Variants in CELSR2 observed in about 807,000 individuals in gnomAD.
CELSR2 encodes the protein EGF-like protein 2.
Under a neutral mutation model 251.6 loss-of-function variants are expected in CELSR2, and 81 were observed. The ratio of observed to expected loss-of-function variants is 0.32; its 90% CI spans 0.27 to 0.39. CELSR2 has a LOEUF of 0.39. Among genes scored for constraint, CELSR2 ranks in the 10% least tolerant of loss-of-function variants. The probability of loss-of-function intolerance (pLI) is 1.00; values close to 1 mark genes in which losing one functional copy is unlikely to be tolerated. For missense variants in CELSR2, 3,365 were observed against 3,947.7 expected (o/e 0.85, Z 3.96); for synonymous variants, 1,721 against 1,670.5 (o/e 1.03, Z -0.74).
rs746825435 is a variant in CELSR2, at chr1:109,272,936, G to A, written c.8247G>A (p.Glu2749=). Residue 2749 remains glutamate, a synonymous_variant, in exon 31 of 34, where the codon GAG becomes GAA. Coordinates refer to ENST00000271332, the MANE Select transcript of CELSR2 (RefSeq NM_001408.3). The part of the protein sequence containing the change: ...SSDSEEEEEE[E]EEEAAFPGEQ... ...ACAGTGAGGAGGAAGAAGAGGAGGA[G>A]GAAGAGGAGGCCGCCTTCCCTGGAG... is the stretch of plus-strand genomic sequence containing the variant. 17 of 1,614,024 alleles carry A rather than the reference G, an allele frequency of 1.1e-5. No homozygotes were observed. The highest frequency in any genetic ancestry group is 1.4e-5 in the Non-Finnish European group (16 of 1,179,960).
rs200166387 is a variant in CELSR2 at position 109,262,921 on chromosome 1, C to T, written c.4660C>T (p.Arg1554Trp). ...GCMRNLQVDS[R>W]HIDMADFIAN... ...CATGCGGAACCTGCAGGTGGACAGC[C>T]GGCACATAGACATGGCTGACTTCAT... Residue 1554 changes from arginine (R) to tryptophan (W), a missense_variant, in exon 7 of 34, where the codon CGG becomes TGG. Coordinates refer to ENST00000271332, the MANE Select transcript of CELSR2 (RefSeq NM_001408.3). 44 of 1,613,822 alleles carry T rather than the reference C, an allele frequency of 2.7e-5. 1 individual carries two copies. Among genetic ancestry groups the T allele is most frequent in the Admixed American group, 1.2e-4 (7 of 60,016 alleles).
In CELSR2 at chr1:109,253,375, G is replaced by C; in HGVS notation, c.3296G>C (p.Ser1099Thr). ...AACCGGCCTCTGGAGGCCATCATGA[G>C]CGTGCTGGTGTCAGGTAAGGAAGGG... is the stretch of plus-strand genomic sequence containing the variant. ...DNNRPLEAIM[S>T]VLVSDGVHSV... Residue 1099 changes from serine (S) to threonine (T), a missense_variant, in exon 1 of 34, where the codon AGC (serine) becomes ACC (threonine). By Grantham distance (58) the Ser-to-Thr change is moderately conservative. This residue lies in a region of CELSR2 where 505 missense variants were observed against 660.0 expected (regional missense o/e 0.77). Transcript: ENST00000271332. 1 of 1,612,582 alleles carries C rather than the reference G, an allele frequency of 6.2e-7. No individual in the cohort carries two copies. Among genetic ancestry groups the C allele is most frequent in the Non-Finnish European group, 8.5e-7 (1 of 1,179,804 alleles).
rs770029179 is a variant in CELSR2 at position 109,253,029 on chromosome 1, T to G, written c.2950T>G (p.Leu984Val). 1.9e-6 allele frequency: 3 copies of G among 1,613,488 alleles called. No individual in the cohort carries two copies. In the African/African-American group the frequency reaches 4.0e-5, roughly 22 times the overall value. Residue 984 changes from leucine to valine, a missense_variant, in exon 1 of 34, where the codon TTA becomes GTA. Transcript: ENST00000271332. Reference protein sequence around the residue: ...FSGELTALVDLDYEDRPEYVL... With the variant: ...FSGELTALVDVDYEDRPEYVL... ...CGGGGAGCTGACAGCCCTGGTAGAC[T>G]TAGACTACGAGGACCGGCCTGAGTA...
rs758402047 is a variant in CELSR2 at position 109,269,905 on chromosome 1, C to T, written c.7108-28C>T. 1.9e-6 allele frequency: 3 copies of T among 1,614,056 alleles called. No homozygotes were observed. Among genetic ancestry groups the T allele is most frequent in the South Asian group, 1.1e-5 (1 of 91,082 alleles). ...TGCTCAGGTCCTGCCCTTCCTAATT[C>T]CCTGGCCCCCTGCCACCTACTCTGC... On this transcript the variant is annotated intron_variant, in intron 22 of 33. Transcript: ENST00000271332. The surrounding 1 kb of genome is among the most constrained non-coding windows in gnomAD (Gnocchi z 6.4).
intron 25 of CELSR2, 71 bp downstream of exon 25, chr1:109,271,110 G>T (rs560807543): frequency 2.0e-6 from 3 of 1,507,874 alleles, no homozygotes; most frequent in African/African-American, 2.8e-5. Flanking sequence ...CTGGGGCCGC[G>T]TGTCCTCAGG....
In CELSR2 at chr1:109,274,113, T is replaced by G; in HGVS notation, c.*64T>G. On this transcript the variant is annotated 3_prime_UTR_variant, in exon 34 of 34. Transcript: ENST00000271332. ...TTCCCCAGCCGCACTCATGCCCTGC[T>G]CCTGTCTTGTGCTTTATCCTGCCCC... 4 of 1,613,184 alleles carry G rather than the reference T, an allele frequency of 2.5e-6. No homozygotes were observed. The highest frequency in any genetic ancestry group is 3.4e-6 in the Non-Finnish European group (4 of 1,179,938).
rs752078935 is a variant in CELSR2, at chr1:109,250,438, G to A, written c.359G>A (p.Gly120Glu). ...TGGAGCTGTCGCCTCCTGGGCATTG[G>A]AGGCCACCTTTCCCCACAGGGCAAG... is the stretch of plus-strand genomic sequence containing the variant. ...CPWSCRLLGI[G>E]GHLSPQGKLT... The change falls in exon 1 of 34, where the codon GGA (glycine) becomes GAA (glutamate). Residue 120 changes from glycine (G) to glutamate (E), a missense_variant. Physicochemically the swap from Gly to Glu is moderately conservative, Grantham distance 98. Around this residue, in one of 5 missense-constraint regions of CELSR2, gnomAD observed 704 missense variants for 784.1 expected, o/e 0.90. Transcript: ENST00000271332. This position sits in a 1 kb window ranked among gnomAD's most constrained non-coding sequence, Gnocchi z 4.4. 3.7e-6 allele frequency: 6 copies of A among 1,613,688 alleles called. No individual in the cohort carries two copies. The highest frequency in any genetic ancestry group is 1.6e-4 in the Middle Eastern group (1 of 6,062).
chr1:109,260,633 G>C (rs940653725), intron 2 of CELSR2, among the ~76,000 whole-genome samples: 1 of 152,122 alleles, frequency 6.6e-6, no homozygotes, highest in Non-Finnish European at 1.5e-5. Context: ...CCATCTGCTT[G>C]TGCACATTTA....
chr1:109,273,872 G>A, intron 33 of CELSR2, 150 bp from the exon 34 acceptor site: 1 of 1,204,760 alleles, frequency 8.3e-7, no homozygotes, highest in Non-Finnish European at 1.2e-6. Flanking sequence ...GCTCTACGCG[G>A]CGCAGCCCAG....
At position 109,262,901 on chromosome 1, in the gene CELSR2, G is replaced by A. The variant is rs925567916; in HGVS notation, c.4640G>A (p.Arg1547Gln). 1.2e-5 allele frequency: 20 copies of A among 1,613,676 alleles called. No homozygotes were observed. The highest frequency in any genetic ancestry group is 6.7e-5 in the Admixed American group (4 of 60,010). ...ATGCGGCAGTTCGTGGGCTGCATGC[G>A]GAACCTGCAGGTGGACAGCCGGCAC... ...VRMRQFVGCM[R>Q]NLQVDSRHID... Residue 1547 changes from arginine (R) to glutamine (Q), a missense_variant, in exon 7 of 34, where the codon CGG becomes CAG. Around this residue, in one of 5 missense-constraint regions of CELSR2, gnomAD observed 2,093 missense variants for 2,382.8 expected, o/e 0.88. Transcript: ENST00000271332.
Position 109,264,208 on chromosome 1 carries a change from G to A in CELSR2, c.5132G>A (p.Gly1711Glu), listed in dbSNP as rs760876298. 6.2e-7 allele frequency: 1 copy of A among 1,613,508 alleles called. No homozygotes were observed. Among genetic ancestry groups the A allele is most frequent in the Admixed American group, 1.7e-5 (1 of 60,030 alleles). Reference sequence around the variant, plus strand: ...CAGCTGGCACTGGGAGCCAGCGGGGGGCCCGGCCATGCCATTCTGTCCTTC... The same window carrying A: ...CAGCTGGCACTGGGAGCCAGCGGGGAGCCCGGCCATGCCATTCTGTCCTTC... Reference protein sequence around the residue: ...HAQLALGASGGPGHAILSFDY... With the variant: ...HAQLALGASGEPGHAILSFDY... Residue 1711 changes from glycine to glutamate, a missense_variant, in exon 10 of 34, where the codon GGG becomes GAG. Transcript: ENST00000271332.
At chr1:109,270,291 C>T in intron 23 of CELSR2, 135 bp from the exon 24 acceptor site, 1 of 1,279,118 alleles carries the variant, frequency 7.8e-7, no homozygotes, top group South Asian at 1.3e-5. Context: ...CCGGGATCCC[C>T]CAGCACCTGC....
Position 109,268,860 on chromosome 1 carries a change from G to A in CELSR2, c.6503-20G>A, listed in dbSNP as rs1200222412. The A allele has an allele frequency of 7.5e-6, 12 of 1,594,600 alleles. No individual in the cohort carries two copies. Among genetic ancestry groups the A allele is most frequent in the Non-Finnish European group, 9.4e-6 (11 of 1,165,056 alleles). Reference sequence around the variant, plus strand: ...CCTGCCTGCCTCACAGGTCCGATCTGTGACCATCCCCTTCCTTAGTCATCT... The same window carrying A: ...CCTGCCTGCCTCACAGGTCCGATCTATGACCATCCCCTTCCTTAGTCATCT... On this transcript the variant is annotated intron_variant, in intron 18 of 33. Coordinates refer to ENST00000271332, the MANE Select transcript of CELSR2 (RefSeq NM_001408.3).
chr1:109,260,764 T>G (rs1174475665), intron 2 of CELSR2, among the ~76,000 whole-genome samples: 2 of 151,500 alleles, frequency 1.3e-5, no homozygotes, highest in African/African-American at 4.9e-5. Flanking sequence ...CCAAATGGGG[T>G]AGGGAAGGTG....
intron 2 of CELSR2, among the ~76,000 whole-genome samples, chr1:109,259,297 G>C (rs77638334): frequency 0.025 from 3,750 of 152,356 alleles, 150 homozygotes; most frequent in African/African-American, 0.085. Context: ...CACACAGGCA[G>C]TGCCATTGTG....
chr1:109,264,418 C>T, intron 10 of CELSR2, 36 bp from the exon 11 acceptor site: 2 of 1,599,400 alleles, frequency 1.3e-6, no homozygotes, highest in South Asian at 2.2e-5. Flanking sequence ...TGCAGCCCCG[C>T]TCCACTGAGG....
At chr1:109,263,336 G>A (rs966648469) in intron 8 of CELSR2, 69 bp downstream of exon 8, 2 of 1,524,030 alleles carry the variant, frequency 1.3e-6, no homozygotes, top group African/African-American at 1.4e-5. Context: ...GCAGGGTTGG[G>A]GCAGGCACTG....
At chr1:109,263,876 TG>T in intron 9 of CELSR2, 99 bp downstream of exon 9, 1 of 1,472,344 alleles carries the variant, frequency 6.8e-7, no homozygotes. Flanking sequence ...TGGGCAGGGG[TG>T]GGGACATATA....
rs1201232993 is a variant in CELSR2 at position 109,263,277 on chromosome 1, G to C, written c.4834+10G>C. 6.4e-7 allele frequency: 1 copy of C among 1,565,442 alleles called. No homozygotes were observed. Among genetic ancestry groups the C allele is most frequent in the African/African-American group, 1.4e-5 (1 of 73,658 alleles). Reference sequence around the variant, plus strand: ...AAGAGCTGCGCCCAGGGTAGGAGGGGCGGCTGTTAGAGGCCACAGCCTGGG... The same window carrying C: ...AAGAGCTGCGCCCAGGGTAGGAGGGCCGGCTGTTAGAGGCCACAGCCTGGG... On this transcript the variant is annotated intron_variant, in intron 8 of 33. Transcript: ENST00000271332.
Sources: allele counts gnomAD v4.1 joint callset (sites outside exome capture counted in the v4.1 genomes callset), GRCh38; gene constraint gnomAD v4.1.1; regional missense constraint gnomAD v4.1.1; non-coding constraint Gnocchi (gnomAD v3.1); transcripts MANE v1.5; gene names NCBI Gene and HGNC (gene_info 2026-07-23, HGNC 2026-07-21).